Variants in LIN7A observed in about 807,000 individuals in gnomAD.
LIN7A encodes protein lin-7 homolog A.
A neutral mutation model predicts 29.8 loss-of-function variants in LIN7A; 25 were observed. That is an observed-to-expected ratio of 0.84 (90% confidence interval 0.61 to 1.17). The LOEUF (loss-of-function observed/expected upper bound fraction) is 1.17. Ranked by LOEUF, LIN7A falls within the 50% of genes most tolerant of loss-of-function variation. The probability of loss-of-function intolerance (pLI) is 0.00; values close to 1 mark genes in which losing one functional copy is unlikely to be tolerated. For missense variants in LIN7A, 239 were observed against 287.0 expected, an observed-to-expected ratio of 0.83 and a Z score of 1.21; for synonymous variants, 118 against 107.5, an observed-to-expected ratio of 1.10 and a Z score of -0.60.
At chr12:80,852,206 A>G (rs1873368459) in intron 2 of LIN7A, among the ~76,000 whole-genome samples, 1 of 152,066 alleles carries the variant, frequency 6.6e-6, no homozygotes, top group South Asian at 2.1e-4. Flanking sequence ...CTTTTTCCGG[A>G]TGGAAATTTT....
At chr12:80,886,022 G>A (rs542821196) in intron 2 of LIN7A, among the ~76,000 whole-genome samples, 1 of 152,130 alleles carries the variant, frequency 6.6e-6, no homozygotes, top group Non-Finnish European at 1.5e-5. Flanking sequence ...ACCTATGTCT[G>A]TTTTTGTTCT....
Position 80,795,484 on chromosome 12 carries a change from A to G in LIN7A, c.*2243T>C, listed in dbSNP as rs1479970519. 6.7e-6 allele frequency: 1 copy of G among 150,070 alleles called. No homozygotes were observed. The highest frequency in any genetic ancestry group is 1.9e-4 in the East Asian group (1 of 5,190). The allele number at this position is 150,070 out of a possible 1,614,324, so 9.3% of individuals were successfully genotyped here. A position where few individuals can be genotyped will look rare whatever the true frequency, so the allele number is the denominator to read the frequency against. On this transcript the variant is annotated 3_prime_UTR_variant, in exon 6 of 6. Coordinates refer to ENST00000552864, the MANE Select transcript of LIN7A (RefSeq NM_004664.4). ...AGGTTTCTAGAAAACACAAATGTAA[A>G]CTATCTTACCATTTGATAGTTGTTT...
At chr12:80,856,012 A>G (rs1873575410) in intron 2 of LIN7A, among the ~76,000 whole-genome samples, 1 of 152,166 alleles carries the variant, frequency 6.6e-6, no homozygotes, top group South Asian at 2.1e-4. Context: ...TGTGGAAAAT[A>G]TTGTTTAAAA....
At chr12:80,859,226 T>G (rs1555225000) in intron 2 of LIN7A, among the ~76,000 whole-genome samples, 1 of 152,132 alleles carries the variant, frequency 6.6e-6, no homozygotes, top group Non-Finnish European at 1.5e-5. Context: ...GTGAGAGATG[T>G]TAACAACAGT....
chr12:80,820,026 C>T (rs1234291837), intron 4 of LIN7A, among the ~76,000 whole-genome samples: 2 of 152,092 alleles, frequency 1.3e-5, no homozygotes, highest in Admixed American at 1.3e-4. Context: ...TAGGTGAATC[C>T]ACTGCTGTTA....
chr12:80,866,778 G>C (rs577059061), intron 2 of LIN7A, among the ~76,000 whole-genome samples: 1 of 152,120 alleles, frequency 6.6e-6, no homozygotes, highest in Non-Finnish European at 1.5e-5. Context: ...AATTAGTTCA[G>C]AGACCATTTT....
chr12:80,818,751 C>T (rs983747686), intron 4 of LIN7A, among the ~76,000 whole-genome samples: 1 of 152,140 alleles, frequency 6.6e-6, no homozygotes, highest in Admixed American at 6.5e-5. Context: ...AACTCTGATC[C>T]AGCCAGTCAG....
intron 1 of LIN7A, among the ~76,000 whole-genome samples, chr12:80,907,053 C>CTGTGTGTGTG (rs1491359652): frequency 0.053 from 6,995 of 132,830 alleles, 336 homozygotes; most frequent in Middle Eastern, 0.081. Context: ...AGAGTGCGTG[C>CTGTGTGTGTG]TCTGTGTGTG....
rs746369896 is a variant in LIN7A at position 80,840,578 on chromosome 12, TA to T, written c.483+5151del. On this transcript the variant is annotated intron_variant, in intron 4 of 5. Transcript: ENST00000552864. The stretch of plus-strand genomic sequence containing the variant: ...TGAGAGAACATAATGTAAATACTGT[TA>T]AAAAAAACTATAAAGTACTAAATAA... Among the ~76,000 whole-genome samples the T allele has an allele frequency of 7.3e-5, 11 of 150,600 alleles. 1 individual carries two copies. The highest frequency in any genetic ancestry group is 3.4e-3 in the Middle Eastern group (1 of 290).
At chr12:80,918,170 C>G (rs1877117906) in intron 1 of LIN7A, among the ~76,000 whole-genome samples, 1 of 152,112 alleles carries the variant, frequency 6.6e-6, no homozygotes, top group African/African-American at 2.4e-5. Context: ...ACCTCAGCCT[C>G]CCTAGTAGCT....
At chr12:80,805,615 T>C (rs569751572) in intron 5 of LIN7A, among the ~76,000 whole-genome samples, 3 of 152,258 alleles carry the variant, frequency 2.0e-5, no homozygotes. Flanking sequence ...TTTTTATTTT[T>C]TGAGAATCTG....
chr12:80,814,819 G>A (rs977268032), intron 4 of LIN7A, among the ~76,000 whole-genome samples: 1 of 152,070 alleles, frequency 6.6e-6, no homozygotes, highest in Non-Finnish European at 1.5e-5. Context: ...GTTTAGACAA[G>A]GACTCAGATT....
chr12:80,803,705 C>A (rs1244085128), intron 5 of LIN7A, among the ~76,000 whole-genome samples: 1 of 152,122 alleles, frequency 6.6e-6, no homozygotes, highest in South Asian at 2.1e-4. Context: ...TTGAATTCTA[C>A]AGCATTATAG....
chr12:80,881,160 G>GAA (rs5799496), intron 2 of LIN7A, among the ~76,000 whole-genome samples: 3,397 of 151,918 alleles, frequency 0.022, 64 homozygotes, highest in Non-Finnish European at 0.036. Context: ...TTCTCCAGGG[G>GAA]AAAAAAATCT....
At chr12:80,840,255 C>A (rs938148756) in intron 4 of LIN7A, among the ~76,000 whole-genome samples, 1 of 152,226 alleles carries the variant, frequency 6.6e-6, no homozygotes, top group Non-Finnish European at 1.5e-5. Flanking sequence ...CTTACAAAAT[C>A]ATATTAAACC....
rs75898949 is a variant in LIN7A at position 80,895,177 on chromosome 12, G to T, written c.83-5808C>A. On this transcript the variant is annotated intron_variant, in intron 1 of 5. Coordinates refer to ENST00000552864, the MANE Select transcript of LIN7A (RefSeq NM_004664.4). ...CAATGTGTTTATAGTGATAACAGTG[G>T]ATCATTGAAAGATGATCACATCATC... is the stretch of plus-strand genomic sequence containing the variant. 2.5e-3 allele frequency among the ~76,000 whole-genome samples: 382 copies of T among 152,256 alleles called. 13 individuals are homozygous for T. The East Asian group carries it at 0.063, about 25-fold the overall frequency.
rs4842358 is a variant in LIN7A at position 80,813,168 on chromosome 12, G to A, written c.484-1485C>T. Among the ~76,000 whole-genome samples the A allele has an allele frequency of 5.9e-5, 9 of 152,042 alleles. 1 individual carries two copies. Among genetic ancestry groups the A allele is most frequent in the African/African-American group, 1.7e-4 (7 of 41,504 alleles). On this transcript the variant is annotated intron_variant, in intron 4 of 5. Transcript: ENST00000552864. ...TGGGACTACAGGTGCCTGCCACCAC[G>A]CCCAGCTAATTTTTTTCTATTTTTA... is the stretch of plus-strand genomic sequence containing the variant.
chr12:80,806,353 A>G (rs1870988991), intron 5 of LIN7A, among the ~76,000 whole-genome samples: 2 of 152,186 alleles, frequency 1.3e-5, no homozygotes, highest in South Asian at 4.1e-4. Context: ...GTATCCTTCA[A>G]TATTATCAAA....
chr12:80,811,126 G>T (rs2121513006), intron 5 of LIN7A, among the ~76,000 whole-genome samples: 1 of 152,246 alleles, frequency 6.6e-6, no homozygotes, highest in Non-Finnish European at 1.5e-5. Context: ...TTCTCCTTAG[G>T]ATCTGGGTTT....
Sources: allele counts gnomAD v4.1 joint callset (sites outside exome capture counted in the v4.1 genomes callset), GRCh38; gene constraint gnomAD v4.1.1; transcripts MANE v1.5; gene names NCBI Gene and HGNC (gene_info 2026-07-23, HGNC 2026-07-21).